Variants in ATF6 observed in about 807,000 individuals in gnomAD.
The protein encoded by ATF6 is activating transcription factor 6.
Under a neutral mutation model 83.6 loss-of-function variants are expected in ATF6, and 53 were observed. The observed-to-expected ratio is 0.63, with a 90% CI of 0.51 to 0.80. The LOEUF (loss-of-function observed/expected upper bound fraction) is 0.80, where lower values mean the gene tolerates loss of function less well. Among genes scored for constraint, ATF6 ranks in the 30% least tolerant of loss-of-function variants. The probability of loss-of-function intolerance (pLI) is 0.00; values close to 1 mark genes in which losing one functional copy is unlikely to be tolerated. For synonymous variants in ATF6, 288 were observed against 285.8 expected (o/e 1.01, Z -0.08); for missense variants, 744 against 797.9 (o/e 0.93, Z 0.81).
intron 14 of ATF6, among the ~76,000 whole-genome samples, chr1:161,900,263 C>G (rs1031813439): frequency 1.3e-5 from 2 of 152,100 alleles, no homozygotes; most frequent in Admixed American, 1.3e-4. Context: ...ACGTAACTCT[C>G]ATTTATATCA....
At chr1:161,860,312 TA>T in intron 13 of ATF6, 35 bp downstream of exon 13, 1 of 1,438,826 alleles carries the variant, frequency 7.0e-7, no homozygotes, top group Non-Finnish European at 9.3e-7. Flanking sequence ...CCAAGGAATT[TA>T]AAATAGCTGG....
intron 14 of ATF6, among the ~76,000 whole-genome samples, chr1:161,907,854 A>G (rs1038822097): frequency 6.6e-5 from 10 of 152,210 alleles, no homozygotes; most frequent in African/African-American, 2.4e-4. Context: ...TGCATAAACT[A>G]TACTCACAAA....
chr1:161,946,254 C>G (rs779620230), intron 15 of ATF6, among the ~76,000 whole-genome samples: 1 of 152,136 alleles, frequency 6.6e-6, no homozygotes, highest in African/African-American at 2.4e-5. Flanking sequence ...TTTGGCCTCC[C>G]GAAGTGCTGG....
chr1:161,801,359 CTTTTT>C (rs1170991022), intron 6 of ATF6, among the ~76,000 whole-genome samples: 7 of 95,298 alleles, frequency 7.3e-5, no homozygotes, highest in East Asian at 6.1e-4. Flanking sequence ...TATTTGTAGT[CTTTTT>C]TTTTTTTTTT....
chr1:161,947,417 A>G (rs1189695325), intron 15 of ATF6, among the ~76,000 whole-genome samples: 2 of 152,212 alleles, frequency 1.3e-5, no homozygotes, highest in Non-Finnish European at 2.9e-5. Context: ...CTTTAGCCGG[A>G]TTCTTGCTCA....
rs560000649 is a variant in ATF6 at position 161,888,674 on chromosome 1, C to A, written c.1720-23622C>A. Among the ~76,000 whole-genome samples, 5 of 152,296 alleles carry A rather than the reference C, an allele frequency of 3.3e-5. No homozygotes were observed. In the East Asian group the frequency reaches 9.6e-4, roughly 29 times the overall value. ...TTGATATGTCTCTTCAACCTCATCACCACTGCTTTAAATGAGGCATACTTC... is the reference window on the plus strand; with the variant it reads ...TTGATATGTCTCTTCAACCTCATCAACACTGCTTTAAATGAGGCATACTTC... On this transcript the variant is annotated intron_variant, in intron 14 of 15. Coordinates refer to ENST00000367942, the MANE Select transcript of ATF6 (RefSeq NM_007348.4).
At chr1:161,897,546 A>T (rs916894259) in intron 14 of ATF6, among the ~76,000 whole-genome samples, 2 of 152,214 alleles carry the variant, frequency 1.3e-5, no homozygotes, top group African/African-American at 4.8e-5. Flanking sequence ...GCTCCTAAAA[A>T]ACCTACAGAA....
intron 14 of ATF6, among the ~76,000 whole-genome samples, chr1:161,884,704 A>C (rs567054574): frequency 1.2e-3 from 184 of 152,268 alleles, no homozygotes; most frequent in African/African-American, 4.2e-3. Flanking sequence ...CAGAGCCCAC[A>C]TTCTAGAGTC....
At chr1:161,843,280 G>T (rs1476767013) in intron 9 of ATF6, among the ~76,000 whole-genome samples, 24 of 88,640 alleles carry the variant, frequency 2.7e-4, no homozygotes. Flanking sequence ...GACCTTGGCT[G>T]GGAATTGACT....
At chr1:161,781,863 G>A (rs763859732) in intron 2 of ATF6, 49 bp from the exon 3 acceptor site, 4 of 1,248,982 alleles carry the variant, frequency 3.2e-6, no homozygotes, top group African/African-American at 3.0e-5. Flanking sequence ...ATTTTAAGAT[G>A]TGTATGTTTT....
In ATF6 at chr1:161,799,629, G is replaced by A. The variant is rs562664560; in HGVS notation, c.689-2423G>A. Among the ~76,000 whole-genome samples the A allele has an allele frequency of 3.3e-5, 5 of 152,124 alleles. No individual in the cohort carries two copies. In the South Asian group the frequency reaches 1.0e-3, roughly 32 times the overall value. On this transcript the variant is annotated intron_variant, in intron 6 of 15. Coordinates refer to ENST00000367942, the MANE Select transcript of ATF6 (RefSeq NM_007348.4). ...AACTGAATCCAAGGGAAAACGAGAA[G>A]GTAAAAATGTTTAATGATCATTTAT...
chr1:161,861,915 G>A (rs1259667634), intron 13 of ATF6, among the ~76,000 whole-genome samples: 1 of 152,196 alleles, frequency 6.6e-6, no homozygotes, highest in African/African-American at 2.4e-5. Context: ...GTGATGTGCT[G>A]TGTGGAGAAA....
intron 2 of ATF6, among the ~76,000 whole-genome samples, chr1:161,779,743 A>G (rs1221369339): frequency 1.3e-5 from 2 of 151,948 alleles, no homozygotes; most frequent in Non-Finnish European, 2.9e-5. Flanking sequence ...AAGGCTGCTT[A>G]ATTTTTTTTT....
At chr1:161,834,324 C>T (rs972948989) in intron 9 of ATF6, among the ~76,000 whole-genome samples, 15 of 152,056 alleles carry the variant, frequency 9.9e-5, no homozygotes, top group Non-Finnish European at 1.8e-4. Context: ...GACACATGCA[C>T]ACGTATGTTT....
intron 9 of ATF6, among the ~76,000 whole-genome samples, chr1:161,830,518 G>A (rs1327215264): frequency 1.3e-5 from 2 of 152,198 alleles, no homozygotes; most frequent in East Asian, 3.8e-4. Flanking sequence ...GAACAAAGCT[G>A]GAGGCATCAT....
At chr1:161,771,928 A>C (rs185841915) in intron 1 of ATF6, among the ~76,000 whole-genome samples, 1 of 152,208 alleles carries the variant, frequency 6.6e-6, no homozygotes, top group East Asian at 1.9e-4. Context: ...CCTCTTTATC[A>C]CTGATCTTAC....
intron 9 of ATF6, among the ~76,000 whole-genome samples, chr1:161,836,359 C>T (rs1315624028): frequency 6.6e-6 from 1 of 152,152 alleles, no homozygotes; most frequent in African/African-American, 2.4e-5. Context: ...ATTCAAACCA[C>T]CAAGTATACA....
At chr1:161,897,771 G>A (rs527977794) in intron 14 of ATF6, among the ~76,000 whole-genome samples, 6 of 152,098 alleles carry the variant, frequency 3.9e-5, no homozygotes, top group Non-Finnish European at 8.8e-5. Context: ...TTTTAATAAC[G>A]CTTATGTTGC....
chr1:161,816,759 T>A (rs1478820910), intron 7 of ATF6, among the ~76,000 whole-genome samples: 1 of 152,198 alleles, frequency 6.6e-6, no homozygotes, highest in Non-Finnish European at 1.5e-5. Context: ...CAGAATTACA[T>A]ACAGTGTAAT....
Sources: gnomAD v4.1 joint callset for allele counts (sites outside exome capture counted in the v4.1 genomes callset) on GRCh38, gnomAD v4.1.1 for gene constraint, MANE v1.5 for transcripts, NCBI Gene and HGNC (gene_info 2026-07-23, HGNC 2026-07-21) for gene names.